The following PACRG variants were observed in gnomAD, a reference collection of about 807,000 sequenced individuals.
PACRG encodes parkin coregulated.
Under a neutral mutation model 29.7 loss-of-function variants are expected in PACRG, and 29 were observed. The observed-to-expected ratio is 0.98, with a 90% confidence interval of 0.73 to 1.33. The LOEUF (loss-of-function observed/expected upper bound fraction) is 1.33, where lower values mean the gene tolerates loss of function less well. Ranked by LOEUF, PACRG falls within the 40% of genes most tolerant of loss-of-function variation. PACRG has a pLI of 0.00. For synonymous variants in PACRG, 116 were observed against 118.7 expected, an observed-to-expected ratio of 0.98 and a Z score of 0.15; for missense variants, 279 against 316.2, an observed-to-expected ratio of 0.88 and a Z score of 0.89.
intron 4 of PACRG, among the ~76,000 whole-genome samples, chr6:163,150,090 A>T (rs1407688345): frequency 3.3e-5 from 5 of 152,170 alleles, no homozygotes; most frequent in Non-Finnish European, 5.9e-5. Context: ...CTCAACCCGC[A>T]AACCGGCGAT....
At chr6:162,822,850 T>C (rs150281899) in intron 2 of PACRG, among the ~76,000 whole-genome samples, 1 of 152,282 alleles carries the variant, frequency 6.6e-6, no homozygotes, top group East Asian at 1.9e-4. Flanking sequence ...ATTAATGACA[T>C]ATGTTATGTT....
intron 4 of PACRG, among the ~76,000 whole-genome samples, chr6:163,205,741 C>G (rs886076488): frequency 3.9e-5 from 6 of 152,048 alleles, no homozygotes; most frequent in Non-Finnish European, 7.4e-5. Context: ...AGCTTCTGCA[C>G]AGCAAAGGAA....
At chr6:163,238,116 A>G (rs998858973) in intron 4 of PACRG, among the ~76,000 whole-genome samples, 1 of 152,196 alleles carries the variant, frequency 6.6e-6, no homozygotes, top group African/African-American at 2.4e-5. Flanking sequence ...TTAACTGAAA[A>G]AGAAAATGTT....
intron 4 of PACRG, among the ~76,000 whole-genome samples, chr6:163,202,548 C>T (rs938082931): frequency 1.3e-5 from 2 of 152,104 alleles, no homozygotes; most frequent in African/African-American, 4.8e-5. Context: ...GAACAAGCTA[C>T]ATAAATTGCC....
intron 4 of PACRG, among the ~76,000 whole-genome samples, chr6:163,156,780 C>G (rs1055936405): frequency 6.6e-6 from 1 of 152,178 alleles, no homozygotes; most frequent in African/African-American, 2.4e-5. Flanking sequence ...CCAGCTTTCA[C>G]TCCTTGGCTC....
At chr6:163,289,319 T>C (rs1784502089) in intron 4 of PACRG, among the ~76,000 whole-genome samples, 1 of 152,218 alleles carries the variant, frequency 6.6e-6, no homozygotes, top group Admixed American at 6.5e-5. Flanking sequence ...AGTTCCAAGA[T>C]GGCTTTCACG....
intron 2 of PACRG, among the ~76,000 whole-genome samples, chr6:162,934,395 T>C (rs991846991): frequency 6.6e-6 from 1 of 152,176 alleles, no homozygotes; most frequent in Non-Finnish European, 1.5e-5. Flanking sequence ...ACCTTTAAAA[T>C]TGGGGATCAA....
intron 2 of PACRG, among the ~76,000 whole-genome samples, chr6:162,862,683 G>C (rs1395525820): frequency 6.6e-6 from 1 of 152,152 alleles, no homozygotes; most frequent in Non-Finnish European, 1.5e-5. Context: ...TTTCAGATAC[G>C]TTTCTCAACC....
At chr6:163,147,146 T>C (rs1777834057) in intron 4 of PACRG, among the ~76,000 whole-genome samples, 1 of 152,220 alleles carries the variant, frequency 6.6e-6, no homozygotes, top group Non-Finnish European at 1.5e-5. Context: ...TCTCCTTCTC[T>C]GATTGGTTTA....
intron 4 of PACRG, among the ~76,000 whole-genome samples, chr6:163,249,617 C>T (rs1162283717): frequency 6.6e-6 from 1 of 152,178 alleles, no homozygotes; most frequent in Non-Finnish European, 1.5e-5. Flanking sequence ...TTATTAGATT[C>T]CATGGGACCT....
rs1806200589 is a variant in PACRG at position 163,017,278 on chromosome 6, C to T, written c.292-44872C>T. ...CGTGGGGGGAGATACAGCTCCAAGGCAAGGAAATATTGACTTCAGAGTATA... is the reference window on the plus strand; with the variant it reads ...CGTGGGGGGAGATACAGCTCCAAGGTAAGGAAATATTGACTTCAGAGTATA... On this transcript the variant is annotated intron_variant, in intron 2 of 4. Transcript: ENST00000366888. 2.0e-5 allele frequency among the ~76,000 whole-genome samples: 3 copies of T among 152,060 alleles called. No homozygotes were observed. The South Asian group carries it at 6.2e-4, about 32-fold the overall frequency.
At chr6:163,265,933 C>G (rs759922517) in intron 4 of PACRG, among the ~76,000 whole-genome samples, 52 of 152,234 alleles carry the variant, frequency 3.4e-4, no homozygotes, top group Non-Finnish European at 6.6e-4. Flanking sequence ...AAATTTGACC[C>G]ATAAATTTAA....
intron 1 of PACRG, among the ~76,000 whole-genome samples, chr6:162,747,344 ATATATATATATATATATAT>A (rs1781086586): frequency 1.3e-5 from 1 of 74,616 alleles, no homozygotes; most frequent in African/African-American, 6.7e-5. Context: ...ATATATATAT[ATATATATATATATATATAT>A]ACACATACAT....
At chr6:163,183,856 C>A (rs558355858) in intron 4 of PACRG, among the ~76,000 whole-genome samples, 2 of 152,268 alleles carry the variant, frequency 1.3e-5, no homozygotes, top group East Asian at 3.9e-4. Context: ...TTGTATTACA[C>A]AATATTTCCT....
At chr6:162,895,953 T>G (rs1002791096) in intron 2 of PACRG, among the ~76,000 whole-genome samples, 1 of 152,226 alleles carries the variant, frequency 6.6e-6, no homozygotes. Context: ...CCAGGCTTTT[T>G]TCTTCTTTTA....
chr6:162,778,533 C>T (rs550288150), intron 1 of PACRG, among the ~76,000 whole-genome samples: 19 of 152,124 alleles, frequency 1.2e-4, no homozygotes, highest in Middle Eastern at 3.4e-3. Flanking sequence ...TTAGAGGTTG[C>T]GGAGAATATA....
At chr6:162,844,563 G>A (rs553625032) in intron 2 of PACRG, among the ~76,000 whole-genome samples, 101 of 152,318 alleles carry the variant, frequency 6.6e-4, no homozygotes, top group African/African-American at 2.2e-3. Context: ...CTTCTGCGTC[G>A]CTCACGCTGG....
At chr6:163,089,135 C>G in intron 3 of PACRG, 124 bp from the exon 4 acceptor site, 1 of 878,980 alleles carries the variant, frequency 1.1e-6, no homozygotes, top group Admixed American at 2.7e-5. Flanking sequence ...ATAATAAAGG[C>G]CCATTGGTCC....
At chr6:163,154,835 A>G (rs1778246480) in intron 4 of PACRG, among the ~76,000 whole-genome samples, 1 of 152,196 alleles carries the variant, frequency 6.6e-6, no homozygotes, top group South Asian at 2.1e-4. Context: ...TACATGGTCT[A>G]TGTCCTCTGG....
Sources: gnomAD v4.1 joint callset for allele counts (sites outside exome capture counted in the v4.1 genomes callset) on GRCh38, gnomAD v4.1.1 for gene constraint, MANE v1.5 for transcripts, NCBI Gene and HGNC (gene_info 2026-07-23, HGNC 2026-07-21) for gene names.